Variants in MRPL9 observed in about 807,000 individuals in gnomAD.
The protein encoded by MRPL9 is mitochondrial ribosomal protein L9, also known as large ribosomal subunit protein bL9m.
In MRPL9, 25 loss-of-function variants were observed where a neutral mutation model predicts 27.6. That is an observed-to-expected ratio of 0.91 (90% CI 0.66 to 1.27). MRPL9 has a LOEUF of 1.27. Among genes scored for constraint, MRPL9 ranks in the 50% most tolerant of loss-of-function variants. The pLI is 0.00. For missense variants in MRPL9, 362 were observed against 338.0 expected (o/e 1.07, Z -0.56); for synonymous variants, 154 against 139.0 (o/e 1.11, Z -0.76).
In MRPL9 at chr1:151,763,335, G is replaced by C. The variant is rs1648207095; in HGVS notation, c.145C>G (p.Gln49Glu). The change falls in exon 1 of 7, where the codon CAA (glutamine) becomes GAA (glutamate). Residue 49 changes from glutamine to glutamate, a missense_variant. Physicochemically the swap from Gln to Glu is conservative, Grantham distance 29. Transcript: ENST00000368830. ...CCAGACTCAGCCCTCACCCGATTTT[G>C]AGAAAGGCTGAAGTTGCAGGCCAGG... Reference protein sequence around the residue: ...PDLACNFSLSQNRGTVIVERW... With the variant: ...PDLACNFSLSENRGTVIVERW... 6.3e-7 allele frequency: 1 copy of C among 1,592,838 alleles called. No individual in the cohort carries two copies. The highest frequency in any genetic ancestry group is 8.6e-7 in the Non-Finnish European group (1 of 1,168,606).
chr1:151,763,223 C>G lies in MRPL9; in HGVS notation c.154-77G>C. ...CCCTCCACCACGGCCGCCAGCCCCT[C>G]AAGGAAAGCCCGCCACCCCCACATC... is the stretch of plus-strand genomic sequence containing the variant. On this transcript the variant is annotated intron_variant, in intron 1 of 6. Coordinates refer to ENST00000368830, the MANE Select transcript of MRPL9 (RefSeq NM_031420.4). The G allele has an allele frequency of 2.6e-6, 4 of 1,547,808 alleles. No homozygotes were observed. In the Admixed American group the frequency reaches 5.7e-5, roughly 22 times the overall value.
At position 151,761,059 on chromosome 1, in the gene MRPL9, C is replaced by A; in HGVS notation, c.589-160G>T. The A allele has an allele frequency of 4.9e-6, 3 of 612,016 alleles. 1 individual carries two copies. In the South Asian group the frequency reaches 6.7e-5, roughly 14 times the overall value. The allele number at this position is 612,016 out of a possible 1,614,324, so 37.9% of individuals were successfully genotyped here. A position where few individuals can be genotyped will look rare whatever the true frequency, so the allele number is the denominator to read the frequency against. On this transcript the variant is annotated intron_variant, in intron 5 of 6. Transcript: ENST00000368830. ...TGGCTGATTCCATGGGAGAGAAGGGCATACACCTTCATAGACGGTAGTAGA... is the reference window on the plus strand; with the variant it reads ...TGGCTGATTCCATGGGAGAGAAGGGAATACACCTTCATAGACGGTAGTAGA...
chr1:151,763,125 A>T lies in MRPL9; in HGVS notation c.175T>A (p.Trp59Arg), dbSNP rs1180942493. 2.2e-5 allele frequency: 35 copies of T among 1,613,564 alleles called. No homozygotes were observed. Among genetic ancestry groups the T allele is most frequent in the Non-Finnish European group, 3.0e-5 (35 of 1,179,860 alleles). Residue 59 changes from tryptophan (W) to arginine (R), a missense_variant, in exon 2 of 7, where the codon TGG becomes AGG. Physicochemically the swap from Trp to Arg is moderately radical, Grantham distance 101 (BLOSUM62 -3). Coordinates refer to ENST00000368830, the MANE Select transcript of MRPL9 (RefSeq NM_031420.4). Reference sequence around the variant, plus strand: ...TCCCCGGCCAGCGGTACCTTCCACCAGCGCTCCACGATGACCGTGCCCTGG... The same window carrying T: ...TCCCCGGCCAGCGGTACCTTCCACCTGCGCTCCACGATGACCGTGCCCTGG... ...QNRGTVIVERWWKVPLAGEGR... is the reference protein window; with the variant it reads ...QNRGTVIVERRWKVPLAGEGR...
At chr1:151,760,236 C>T in intron 6 of MRPL9, 55 bp from the exon 7 acceptor site, 1 of 1,606,716 alleles carries the variant, frequency 6.2e-7, no homozygotes, top group South Asian at 1.1e-5. Context: ...TAAGATTTAG[C>T]ACCACCTAAT....
At chr1:151,761,599 G>T (rs1274834886) in intron 4 of MRPL9, 47 bp from the exon 5 acceptor site, 3 of 1,426,492 alleles carry the variant, frequency 2.1e-6, no homozygotes, top group African/African-American at 2.8e-5. Flanking sequence ...AACATGTCAG[G>T]GTCACAGGGT....
At position 151,759,766 on chromosome 1, in the gene MRPL9, A is replaced by G. The variant is rs912403770; in HGVS notation, c.*284T>C. On this transcript the variant is annotated 3_prime_UTR_variant, in exon 7 of 7. Transcript: ENST00000368830. ...CTCCTGTTTGTCCCAATAAACTCCA[A>G]TGGAGGAAGAAGCTAAACAGGTTTT... The G allele has an allele frequency of 2.9e-5, 9 of 311,586 alleles. No individual in the cohort carries two copies. The highest frequency in any genetic ancestry group is 6.5e-5 in the African/African-American group (3 of 45,828). 19.3% of individuals were successfully genotyped at this position (311,586 alleles called of 1,614,324 possible).
At chr1:151,762,228 C>T in intron 3 of MRPL9, 73 bp from the exon 4 acceptor site, 2 of 1,571,202 alleles carry the variant, frequency 1.3e-6, no homozygotes, top group Non-Finnish European at 8.8e-7. Flanking sequence ...CAAACTATTC[C>T]TATGTTGGAC....
rs1248859593 is a variant in MRPL9 at position 151,760,804 on chromosome 1, C to T, written c.672+12G>A. On this transcript the variant is annotated intron_variant, in intron 6 of 6. Coordinates refer to ENST00000368830, the MANE Select transcript of MRPL9 (RefSeq NM_031420.4). ...GAAAGAAAAGAAAAAAGAAAGTATG[C>T]AAAACACTCACCGTCACCTCACACC... The T allele has an allele frequency of 6.4e-7, 1 of 1,551,458 alleles. No individual in the cohort carries two copies.
At position 151,760,855 on chromosome 1, in the gene MRPL9, C is replaced by CTCTT; in HGVS notation, c.629_632dup (p.Pro212ArgfsTer12). On this transcript the variant is annotated frameshift_variant, in exon 6 of 7. Coordinates refer to ENST00000368830, the MANE Select transcript of MRPL9 (RefSeq NM_031420.4). LOFTEE classifies it low-confidence loss of function (END_TRUNC). ...AATACTCGCCCCACCGTGTGATAGG[C>CTCTT]TCTTCTGGTAACTTTAATGTATGTG... is the stretch of plus-strand genomic sequence containing the variant. The CTCTT allele has an allele frequency of 6.3e-7, 1 of 1,588,478 alleles. No individual in the cohort carries two copies. The highest frequency in any genetic ancestry group is 8.5e-7 in the Non-Finnish European group (1 of 1,172,774).
rs1412606477 is a variant in MRPL9 at position 151,760,902 on chromosome 1, G to A, written c.589-3C>T. On this transcript the variant is annotated splice_region_variant and splice_polypyrimidine_tract_variant and intron_variant, in intron 5 of 6. Coordinates refer to ENST00000368830, the MANE Select transcript of MRPL9 (RefSeq NM_031420.4). Reference sequence around the variant, plus strand: ...TGTGGGGCAACCACAACACCAAGCTGCAAAAAAAAAAAAAAAAAAAAAAAT... The same window carrying A: ...TGTGGGGCAACCACAACACCAAGCTACAAAAAAAAAAAAAAAAAAAAAAAT... 3.0e-5 allele frequency: 31 copies of A among 1,021,800 alleles called. No individual in the cohort carries two copies. Among genetic ancestry groups the A allele is most frequent in the South Asian group, 1.3e-4 (5 of 37,484 alleles). 63.3% of individuals were successfully genotyped at this position (1,021,800 alleles called of 1,614,324 possible).
At chr1:151,762,679 G>C (rs1648153060) in intron 2 of MRPL9, 179 bp from the exon 3 acceptor site, 1 of 699,580 alleles carries the variant, frequency 1.4e-6, no homozygotes, top group African/African-American at 1.8e-5. Flanking sequence ...TTTAGAACTT[G>C]ATGTATAAAT....
intron 6 of MRPL9, among the ~76,000 whole-genome samples, chr1:151,760,570 C>A (rs1558127169): frequency 1.0e-5 from 1 of 97,992 alleles, no homozygotes; most frequent in Admixed American, 1.3e-4. Context: ...GAGTGAGACT[C>A]CAGCTCAAAA....
intron 5 of MRPL9, among the ~76,000 whole-genome samples, chr1:151,761,209 C>T (rs1648060568): frequency 6.6e-6 from 1 of 152,198 alleles, no homozygotes. Context: ...CCAGCATTTC[C>T]CTAGGTAGAC....
At chr1:151,760,756 A>G (rs1020908618) in intron 6 of MRPL9, 60 bp downstream of exon 6, 1 of 1,460,832 alleles carries the variant, frequency 6.8e-7, no homozygotes, top group Admixed American at 2.3e-5. Flanking sequence ...AAAGGAAAAA[A>G]AGGAAAAAGT....
intron 6 of MRPL9, 53 bp downstream of exon 6, chr1:151,760,763 A>G: frequency 6.8e-7 from 1 of 1,479,788 alleles, no homozygotes; most frequent in Non-Finnish European, 9.1e-7. Context: ...AAAAAGGAAA[A>G]AGTGGGGGAA....
Position 151,762,438 on chromosome 1 carries a change from G to A in MRPL9, c.373C>T (p.Pro125Ser). Residue 125 changes from proline to serine, a missense_variant, in exon 3 of 7, where the codon CCT becomes TCT. Physicochemically the swap from Pro to Ser is moderately conservative, Grantham distance 74. Coordinates refer to ENST00000368830, the MANE Select transcript of MRPL9 (RefSeq NM_031420.4). The part of the protein sequence containing the change: ...KKSLGRNRLL[P>S]QGLAVYASPE... ...GATGCATATACAGCCAGTCCCTGAGGAAGGAGTCGATTCCGGCCTAAAGAT... is the reference window on the plus strand; with the variant it reads ...GATGCATATACAGCCAGTCCCTGAGAAAGGAGTCGATTCCGGCCTAAAGAT... 1.2e-6 allele frequency: 2 copies of A among 1,614,160 alleles called. No homozygotes were observed. Among genetic ancestry groups the A allele is most frequent in the Admixed American group, 1.7e-5 (1 of 60,026 alleles).
At chr1:151,762,940 G>A in intron 2 of MRPL9, 50 bp downstream of exon 2, 1 of 1,587,184 alleles carries the variant, frequency 6.3e-7, no homozygotes, top group Non-Finnish European at 8.6e-7. Context: ...AGAAAAAGCT[G>A]ATGCCAAACC....
In MRPL9 at chr1:151,762,516, G is replaced by C. The variant is rs769968834; in HGVS notation, c.311-16C>G. The stretch of plus-strand genomic sequence containing the variant: ...ACTCCAACATCTGTCAATTAGAACA[G>C]AGACAGGGGAATTAGAACCATCTAG... On this transcript the variant is annotated splice_polypyrimidine_tract_variant and intron_variant, in intron 2 of 6. Transcript: ENST00000368830. 1.2e-6 allele frequency: 2 copies of C among 1,613,164 alleles called. No homozygotes were observed. Among genetic ancestry groups the C allele is most frequent in the African/African-American group, 1.3e-5 (1 of 74,872 alleles).
rs1648115959 is a variant in MRPL9, at chr1:151,762,170, T to TAAAG, written c.436-19_436-16dup. The TAAAG allele has an allele frequency of 6.2e-7, 1 of 1,613,874 alleles. No homozygotes were observed. Among genetic ancestry groups the TAAAG allele is most frequent in the Non-Finnish European group, 8.5e-7 (1 of 1,179,794 alleles). Reference sequence around the variant, plus strand: ...TCTTGTCTCAGCTAGAAAAGAAAGTTAAAGATGAAAAGCAGTAAAAGAAAA... The same window carrying TAAAG: ...TCTTGTCTCAGCTAGAAAAGAAAGTTAAAGAAAGATGAAAAGCAGTAAAAGAAAA... On this transcript the variant is annotated splice_polypyrimidine_tract_variant and intron_variant, in intron 3 of 6. Transcript: ENST00000368830.
Sources: gnomAD v4.1 joint callset for allele counts (sites outside exome capture counted in the v4.1 genomes callset) on GRCh38, gnomAD v4.1.1 for gene constraint, MANE v1.5 for transcripts, NCBI Gene and HGNC (gene_info 2026-07-23, HGNC 2026-07-21) for gene names.